The following ATP6V1B1 variants were observed in gnomAD, a reference collection of about 807,000 sequenced individuals.
ATP6V1B1 encodes ATPase H+ transporting V1 subunit B1.
ATP6V1B1 carries 41 observed loss-of-function variants against 62.1 expected under a neutral mutation model. The ratio of observed to expected loss-of-function variants is 0.66; its 90% CI spans 0.51 to 0.86. The LOEUF is 0.86. Ranked by LOEUF, ATP6V1B1 falls within the 40% of genes least tolerant of loss-of-function variation. ATP6V1B1 has a pLI of 0.00. For missense variants in ATP6V1B1, 651 were observed against 697.5 expected, an observed-to-expected ratio of 0.93 and a Z score of 0.75; for synonymous variants, 253 against 273.4, an observed-to-expected ratio of 0.93 and a Z score of 0.74.
intron 2 of ATP6V1B1, 99 bp from the exon 3 acceptor site, chr2:70,957,947 G>A (rs538856666): frequency 5.6e-6 from 6 of 1,071,952 alleles, no homozygotes; most frequent in Admixed American, 4.0e-5. Flanking sequence ...ACACTAGAGG[G>A]GAGAGAACAG....
intron 2 of ATP6V1B1, among the ~76,000 whole-genome samples, chr2:70,954,320 A>T (rs781897309): frequency 2.6e-5 from 4 of 152,210 alleles, no homozygotes; most frequent in Non-Finnish European, 5.9e-5. Context: ...TCTAGTTCTG[A>T]TTATAAATGC....
rs967063 is a variant in ATP6V1B1 at position 70,958,261 on chromosome 2, A to T, written c.274-72A>T. 12 of 1,593,348 alleles carry T rather than the reference A, an allele frequency of 7.5e-6. No individual in the cohort carries two copies. The African/African-American group carries it at 1.1e-4, about 14-fold the overall frequency. ...GGTCTATTTCCCTGAGAGCACAGAA[A>T]GTGCCCAGAATGGGTAGCCCCATTC... On this transcript the variant is annotated intron_variant, in intron 3 of 13. Transcript: ENST00000234396.
chr2:70,944,739 G>C (rs1457000163), intron 2 of ATP6V1B1, among the ~76,000 whole-genome samples: 1 of 150,742 alleles, frequency 6.6e-6, no homozygotes, highest in Non-Finnish European at 1.5e-5. Context: ...CGCAATCTCG[G>C]CTCACTGCAA....
Position 70,956,053 on chromosome 2 carries a change from T to C in ATP6V1B1, c.175-1993T>C, listed in dbSNP as rs186682042. The C allele has an allele frequency of 2.4e-5, 5 of 208,712 alleles. No individual in the cohort carries two copies. In the South Asian group the frequency reaches 3.2e-4, roughly 14 times the overall value. The allele number at this position is 208,712 out of a possible 1,614,324, so 12.9% of individuals were successfully genotyped here. A position where few individuals can be genotyped will look rare whatever the true frequency, so the allele number is the denominator to read the frequency against. On this transcript the variant is annotated intron_variant, in intron 2 of 13. Coordinates refer to ENST00000234396, the MANE Select transcript of ATP6V1B1 (RefSeq NM_001692.4). ...CACATGTGAAGGAATCTCTCTAAAA[T>C]TGACCTCATTGGTTTTGTTCTCAGC...
At chr2:70,944,100 C>A in intron 2 of ATP6V1B1, 2 of 1,284,272 alleles carry the variant, frequency 1.6e-6, no homozygotes, top group Non-Finnish European at 2.0e-6. Flanking sequence ...TCTCCCCACC[C>A]TCGACTCTCA....
chr2:70,940,978 A>G (rs1216338443), intron 1 of ATP6V1B1: 1 of 871,572 alleles, frequency 1.1e-6, no homozygotes, highest in Non-Finnish European at 1.4e-6. Context: ...CAATAATAGC[A>G]TGATCAGAGC....
chr2:70,945,532 G>A (rs1450510828), intron 2 of ATP6V1B1, among the ~76,000 whole-genome samples: 3 of 151,754 alleles, frequency 2.0e-5, no homozygotes, highest in Non-Finnish European at 4.4e-5. Context: ...TTGTGTCTGT[G>A]CATTTTATAA....
intron 2 of ATP6V1B1, chr2:70,957,789 G>C (rs1680476584): frequency 7.8e-6 from 4 of 511,684 alleles, no homozygotes; most frequent in Non-Finnish European, 1.4e-5. Flanking sequence ...AAATCGTAAA[G>C]TAACTTCCAC....
rs781973908 is a variant in ATP6V1B1, at chr2:70,935,911, C to G, written c.-44C>G. Reference sequence around the variant, plus strand: ...GGACCTGAAGTCTCAGAGCTGCCACCAGCAGCAGGCTCAGACACTGGGCTC... The same window carrying G: ...GGACCTGAAGTCTCAGAGCTGCCACGAGCAGCAGGCTCAGACACTGGGCTC... On this transcript the variant is annotated 5_prime_UTR_variant, in exon 1 of 14. Coordinates refer to ENST00000234396, the MANE Select transcript of ATP6V1B1 (RefSeq NM_001692.4). 5 of 1,549,202 alleles carry G rather than the reference C, an allele frequency of 3.2e-6. No homozygotes were observed. The highest frequency in any genetic ancestry group is 3.5e-6 in the Non-Finnish European group (4 of 1,128,186).
At position 70,942,078 on chromosome 2, in the gene ATP6V1B1, G is replaced by A. The variant is rs1216447812; in HGVS notation, c.119-1580G>A. On this transcript the variant is annotated intron_variant, in intron 1 of 13. Transcript: ENST00000234396. Reference sequence around the variant, plus strand: ...GCTTCATGGGAAGACAAGAGAGGGAGAGAGAGACAGAGAGAGAGGCAAGGA... The same window carrying A: ...GCTTCATGGGAAGACAAGAGAGGGAAAGAGAGACAGAGAGAGAGGCAAGGA... 6 of 1,107,546 alleles carry A rather than the reference G, an allele frequency of 5.4e-6. No individual in the cohort carries two copies. In the East Asian group the frequency reaches 1.1e-4, roughly 20 times the overall value. 68.6% of individuals were successfully genotyped at this position (1,107,546 alleles called of 1,614,324 possible). A position where few individuals can be genotyped will look rare whatever the true frequency, so the allele number is the denominator to read the frequency against.
rs781969081 is a variant in ATP6V1B1 at position 70,964,442 on chromosome 2, A to AC, written c.1155dup (p.Ile386HisfsTer56). The AC allele has an allele frequency of 2.7e-5, 44 of 1,612,920 alleles. No homozygotes were observed. Among genetic ancestry groups the AC allele is most frequent in the Middle Eastern group, 3.3e-4 (2 of 6,084 alleles). On this transcript the variant is annotated frameshift_variant, in exon 12 of 14. Transcript: ENST00000234396. LOFTEE classifies it high-confidence loss of function. ...TCCCTTTTTCTTCTCCCTCAGATCT[A>AC]CCCCCCCATCAACGTGCTCCCTTCC...
intron 8 of ATP6V1B1, among the ~76,000 whole-genome samples, chr2:70,962,285 T>G (rs1680605649): frequency 6.6e-6 from 1 of 152,032 alleles, no homozygotes; most frequent in African/African-American, 2.4e-5. Flanking sequence ...TAGGTGTGCT[T>G]TGAGCAGTGA....
At position 70,956,489 on chromosome 2, in the gene ATP6V1B1, T is replaced by G. The variant is rs545630427; in HGVS notation, c.175-1557T>G. Among the ~76,000 whole-genome samples the G allele has an allele frequency of 3.3e-5, 5 of 152,262 alleles. No homozygotes were observed. The South Asian group carries it at 1.0e-3, about 31-fold the overall frequency. On this transcript the variant is annotated intron_variant, in intron 2 of 13. Transcript: ENST00000234396. ...ATGGACATTGAGTTATTTTCACTTT[T>G]GGCTATTATGAATATTGCCAGACTG...
rs1553420539 is a variant in ATP6V1B1, at chr2:70,963,655, G to A, written c.1143+1G>A. 6.2e-7 allele frequency: 1 copy of A among 1,613,392 alleles called. No homozygotes were observed. The highest frequency in any genetic ancestry group is 8.5e-7 in the Non-Finnish European group (1 of 1,179,464). On this transcript the variant is annotated splice_donor_variant, in intron 11 of 13. Coordinates refer to ENST00000234396, the MANE Select transcript of ATP6V1B1 (RefSeq NM_001692.4). LOFTEE classifies it high-confidence loss of function. This position sits in a 1 kb window ranked among gnomAD's most constrained non-coding sequence, Gnocchi z 4.3. ...GGACAGACAGCTTCACAACAGACAGGTACTGCCCTGTCCCTACCCACTTCC... is the reference window on the plus strand; with the variant it reads ...GGACAGACAGCTTCACAACAGACAGATACTGCCCTGTCCCTACCCACTTCC...
chr2:70,951,312 C>A (rs1470553600), intron 2 of ATP6V1B1, among the ~76,000 whole-genome samples: 1 of 152,066 alleles, frequency 6.6e-6, no homozygotes, highest in Non-Finnish European at 1.5e-5. Context: ...TTAAGATATT[C>A]TTTTATATAA....
At chr2:70,953,705 T>C (rs1229812631) in intron 2 of ATP6V1B1, among the ~76,000 whole-genome samples, 1 of 152,204 alleles carries the variant, frequency 6.6e-6, no homozygotes, top group Non-Finnish European at 1.5e-5. Context: ...AAGGCTATAA[T>C]TGCCTCATAA....
chr2:70,959,081 T>C lies in ATP6V1B1; in HGVS notation c.431T>C (p.Phe144Ser). Reference protein sequence around the residue: ...DKGPVVMAEDFLDINGQPINP... With the variant: ...DKGPVVMAEDSLDINGQPINP... ...GGGCCAGTGGTCATGGCGGAGGACT[T>C]TCTGGATATCAATGGTGAGTGACTG... The change falls in exon 5 of 14, where the codon TTT becomes TCT. Residue 144 changes from phenylalanine (F) to serine (S), a missense_variant. Physicochemically the swap from Phe to Ser is radical, Grantham distance 155. Coordinates refer to ENST00000234396, the MANE Select transcript of ATP6V1B1 (RefSeq NM_001692.4). The surrounding 1 kb of genome is among the most constrained non-coding windows in gnomAD (Gnocchi z 4.2). The C allele has an allele frequency of 6.2e-7, 1 of 1,614,072 alleles. No homozygotes were observed. The highest frequency in any genetic ancestry group is 1.1e-5 in the South Asian group (1 of 91,078).
At chr2:70,942,394 C>T in intron 1 of ATP6V1B1, 1 of 398,694 alleles carries the variant, frequency 2.5e-6, no homozygotes, top group Non-Finnish European at 4.4e-6. Context: ...AAAATCTGTG[C>T]AAGAATCACC....
rs1169710849 is a variant in ATP6V1B1 at position 70,959,081 on chromosome 2, T to A, written c.431T>A (p.Phe144Tyr). 1.2e-6 allele frequency: 2 copies of A among 1,614,072 alleles called. No homozygotes were observed. The highest frequency in any genetic ancestry group is 2.7e-5 in the African/African-American group (2 of 75,006). The change falls in exon 5 of 14, where the codon TTT becomes TAT. Residue 144 changes from phenylalanine (F) to tyrosine (Y), a missense_variant. Phe to Tyr is a conservative substitution (Grantham distance 22). Coordinates refer to ENST00000234396, the MANE Select transcript of ATP6V1B1 (RefSeq NM_001692.4). This position sits in a 1 kb window ranked among gnomAD's most constrained non-coding sequence, Gnocchi z 4.2. ...GGGCCAGTGGTCATGGCGGAGGACT[T>A]TCTGGATATCAATGGTGAGTGACTG... ...DKGPVVMAED[F>Y]LDINGQPINP...
Sources: gnomAD v4.1 joint callset for allele counts (sites outside exome capture counted in the v4.1 genomes callset) on GRCh38, gnomAD v4.1.1 for gene constraint, Gnocchi (gnomAD v3.1) non-coding constraint, MANE v1.5 for transcripts, NCBI Gene and HGNC (gene_info 2026-07-23, HGNC 2026-07-21) for gene names.